Variants in PTPRT observed in about 807,000 individuals in gnomAD.
PTPRT encodes the protein protein tyrosine phosphatase receptor type T.
In PTPRT, 56 loss-of-function variants were observed where a neutral mutation model predicts 176.8. That is an observed-to-expected ratio of 0.32 (90% CI 0.26 to 0.40). The LOEUF (loss-of-function observed/expected upper bound fraction) is 0.40. Among genes scored for constraint, PTPRT ranks in the 10% least tolerant of loss-of-function variants. PTPRT has a pLI of 1.00. For missense variants in PTPRT, 1,540 were observed against 1,908.2 expected (o/e 0.81, Z 3.60); for synonymous variants, 783 against 739.0 (o/e 1.06, Z -0.96).
At chr20:42,685,393 C>T (rs1007359380) in intron 6 of PTPRT, 5 of 152,184 alleles carry the variant, frequency 3.3e-5, no homozygotes, top group Admixed American at 6.5e-5. Context: ...TTAGCTACCA[C>T]AAGACCCTCC....
chr20:42,799,837 G>A (rs2077504413), intron 2 of PTPRT, among the ~76,000 whole-genome samples: 1 of 152,140 alleles, frequency 6.6e-6, no homozygotes, highest in African/African-American at 2.4e-5. Context: ...GTTCCTTCCA[G>A]CTACAGAAGT....
At chr20:42,464,159 C>T (rs2071067047) in intron 8 of PTPRT, among the ~76,000 whole-genome samples, 1 of 152,090 alleles carries the variant, frequency 6.6e-6, no homozygotes. Flanking sequence ...ACATATCCCC[C>T]ATCTTCACAA....
intron 9 of PTPRT, among the ~76,000 whole-genome samples, chr20:42,423,239 A>C (rs1385702494): frequency 2.0e-5 from 3 of 151,442 alleles, no homozygotes; most frequent in African/African-American, 4.8e-5. Flanking sequence ...GAAATGAGTC[A>C]ATTTCTCTGC....
chr20:42,628,113 G>A (rs887071718), intron 7 of PTPRT, among the ~76,000 whole-genome samples: 5 of 152,126 alleles, frequency 3.3e-5, no homozygotes, highest in Admixed American at 1.3e-4. Context: ...GGGAAAGAAG[G>A]CAAATGGGAG....
intron 7 of PTPRT, among the ~76,000 whole-genome samples, chr20:42,586,590 A>C (rs1384984015): frequency 1.3e-5 from 2 of 152,134 alleles, no homozygotes; most frequent in Non-Finnish European, 2.9e-5. Flanking sequence ...CCAGATAAAG[A>C]GCATCCTCCT....
intron 7 of PTPRT, among the ~76,000 whole-genome samples, chr20:42,663,050 G>A (rs974428930): frequency 6.6e-6 from 1 of 151,614 alleles, no homozygotes; most frequent in African/African-American, 2.4e-5. Flanking sequence ...CATATATATG[G>A]CATGTCTGTC....
At chr20:43,083,720 A>C (rs943810032) in intron 1 of PTPRT, among the ~76,000 whole-genome samples, 8 of 152,124 alleles carry the variant, frequency 5.3e-5, no homozygotes, top group Admixed American at 5.2e-4. Context: ...CCATCACCAC[A>C]ATACAGTTTT....
intron 6 of PTPRT, among the ~76,000 whole-genome samples, chr20:42,734,248 G>C (rs1239591345): frequency 6.6e-6 from 1 of 152,136 alleles, no homozygotes; most frequent in African/African-American, 2.4e-5. Context: ...AGTAGGTTCT[G>C]GGGAGTGACA....
intron 1 of PTPRT, among the ~76,000 whole-genome samples, chr20:43,070,089 C>G (rs1335264206): frequency 6.6e-6 from 1 of 152,142 alleles, no homozygotes; most frequent in African/African-American, 2.4e-5. Flanking sequence ...GCCCAGAATA[C>G]TTCCTTTGTG....
chr20:42,761,798 A>G (rs1289702260), intron 5 of PTPRT, among the ~76,000 whole-genome samples: 1 of 152,212 alleles, frequency 6.6e-6, no homozygotes, highest in African/African-American at 2.4e-5. Context: ...GAACCTTACT[A>G]GGAGGAACAA....
chr20:43,003,382 G>T (rs1010082219), intron 1 of PTPRT, among the ~76,000 whole-genome samples: 1 of 152,056 alleles, frequency 6.6e-6, no homozygotes, highest in Non-Finnish European at 1.5e-5. Flanking sequence ...GAGACTAGGG[G>T]CCGGTGGGAG....
At chr20:42,808,215 C>A (rs1359746685) in intron 2 of PTPRT, among the ~76,000 whole-genome samples, 30 of 152,240 alleles carry the variant, frequency 2.0e-4, no homozygotes. Context: ...TCCCTTCCTT[C>A]CCTTCCATAG....
chr20:43,039,400 A>G (rs1333885731), intron 1 of PTPRT, among the ~76,000 whole-genome samples: 1 of 152,002 alleles, frequency 6.6e-6, no homozygotes, highest in South Asian at 2.1e-4. Flanking sequence ...TTACACCAAA[A>G]TAAGGGCCTG....
At chr20:42,757,748 C>T (rs981220661) in intron 5 of PTPRT, among the ~76,000 whole-genome samples, 28 of 152,196 alleles carry the variant, frequency 1.8e-4, no homozygotes, top group African/African-American at 6.0e-4. Flanking sequence ...GGTGAATACA[C>T]GTGGGCTTTT....
At chr20:42,726,293 G>A (rs551567108) in intron 6 of PTPRT, among the ~76,000 whole-genome samples, 6 of 152,168 alleles carry the variant, frequency 3.9e-5, no homozygotes, top group African/African-American at 1.4e-4. Flanking sequence ...TGGCCAGACT[G>A]GTCTTAAACT....
At chr20:42,403,966 C>A (rs2058935290) in intron 9 of PTPRT, among the ~76,000 whole-genome samples, 1 of 152,096 alleles carries the variant, frequency 6.6e-6, no homozygotes, top group Admixed American at 6.6e-5. Context: ...ACCCCATTTC[C>A]AACAAAAGCT....
intron 15 of PTPRT, among the ~76,000 whole-genome samples, chr20:42,209,129 T>G (rs1283978037): frequency 6.6e-6 from 1 of 152,192 alleles, no homozygotes; most frequent in Non-Finnish European, 1.5e-5. Flanking sequence ...CCAGAATCTC[T>G]GGGACACATT....
chr20:43,042,710 C>T (rs948959494), intron 1 of PTPRT, among the ~76,000 whole-genome samples: 1 of 146,764 alleles, frequency 6.8e-6, no homozygotes, highest in Non-Finnish European at 1.5e-5. Context: ...TCCACCCACC[C>T]TCCCACCCGC....
intron 2 of PTPRT, among the ~76,000 whole-genome samples, chr20:42,874,311 G>T (rs1359201957): frequency 6.6e-6 from 1 of 152,088 alleles, no homozygotes; most frequent in South Asian, 2.1e-4. Context: ...CGAACAACAT[G>T]CAGGTTCACT....
Sources: gnomAD v4.1 joint callset for allele counts (sites outside exome capture counted in the v4.1 genomes callset) on GRCh38, gnomAD v4.1.1 for gene constraint, MANE v1.5 for transcripts, NCBI Gene and HGNC (gene_info 2026-07-23, HGNC 2026-07-21) for gene names.